The following SORCS2 variants were observed in gnomAD, a reference collection of about 807,000 sequenced individuals.
The protein encoded by SORCS2 is sortilin related VPS10 domain containing receptor 2.
SORCS2 carries 100 observed loss-of-function variants against 141.6 expected under a neutral mutation model. That is an observed-to-expected ratio of 0.71 (90% CI 0.60 to 0.83). The LOEUF (loss-of-function observed/expected upper bound fraction) is 0.83, where lower values mean the gene tolerates loss of function less well. SORCS2 is among the 40% of genes least tolerant of loss of function. The pLI is 0.00. For missense variants in SORCS2, 1,646 were observed against 1,560.2 expected, an observed-to-expected ratio of 1.05 and a Z score of -0.93; for synonymous variants, 789 against 676.9, an observed-to-expected ratio of 1.17 and a Z score of -2.57.
chr4:7,361,243 G>A (rs1449377784), intron 1 of SORCS2, among the ~76,000 whole-genome samples: 1 of 152,216 alleles, frequency 6.6e-6, no homozygotes, highest in African/African-American at 2.4e-5. Context: ...TGATGATTGT[G>A]TATGAGACTC....
intron 1 of SORCS2, among the ~76,000 whole-genome samples, chr4:7,363,238 CCATCACCAT>C (rs913767190): frequency 1.4e-5 from 2 of 146,652 alleles, no homozygotes; most frequent in African/African-American, 2.7e-5. Context: ...ATCATCACCA[CCATCACCAT>C]CATCACCATC....
intron 3 of SORCS2, among the ~76,000 whole-genome samples, chr4:7,597,101 CTG>C (rs1717319730): frequency 6.6e-6 from 1 of 150,964 alleles, no homozygotes; most frequent in Non-Finnish European, 1.5e-5. Flanking sequence ...CTTGAAAAGA[CTG>C]TTGAAATAAG....
At chr4:7,255,860 TGGAGCGTGGGGCCCC>T (rs1713825989) in intron 1 of SORCS2, among the ~76,000 whole-genome samples, 1 of 9,240 alleles carries the variant, frequency 1.1e-4, no homozygotes, top group African/African-American at 4.8e-4. Context: ...GACCCGGGGC[TGGAGCGTGGGGCCCC>T]GGGGCTGGAG....
intron 1 of SORCS2, among the ~76,000 whole-genome samples, chr4:7,217,283 G>A (rs995981174): frequency 6.6e-6 from 1 of 152,210 alleles, no homozygotes; most frequent in Non-Finnish European, 1.5e-5. Flanking sequence ...CGAGGACCCC[G>A]CAGCTTGCTG....
rs1720747185 is a variant in SORCS2 at position 7,641,806 on chromosome 4, A to ATGTGTGGG, written c.813+3316_813+3317insTGTGGGTG. On this transcript the variant is annotated intron_variant, in intron 4 of 26. Coordinates refer to ENST00000507866, the MANE Select transcript of SORCS2 (RefSeq NM_020777.3). ...GATGGATGGATGGATGGATGGATGG[A>ATGTGTGGG]TGGATGGATGGGTGGGTGGATGGAT... Among the ~76,000 whole-genome samples, 23 of 95,458 alleles carry ATGTGTGGG rather than the reference A, an allele frequency of 2.4e-4. No individual in the cohort carries two copies. The South Asian group carries it at 6.6e-3, about 27-fold the overall frequency. The allele number at this position is 95,458 out of a possible 152,430, so 62.6% of individuals were successfully genotyped here. A position where few individuals can be genotyped will look rare whatever the true frequency, so the allele number is the denominator to read the frequency against.
intron 3 of SORCS2, among the ~76,000 whole-genome samples, chr4:7,550,067 G>A (rs1261355007): frequency 6.7e-6 from 1 of 149,312 alleles, no homozygotes; most frequent in Non-Finnish European, 1.5e-5. Context: ...GGAAATAGCA[G>A]CTCCTCTTCA....
At chr4:7,541,767 C>T (rs1005318212) in intron 3 of SORCS2, among the ~76,000 whole-genome samples, 10 of 152,178 alleles carry the variant, frequency 6.6e-5, no homozygotes, top group African/African-American at 2.4e-4. Context: ...CACACGGAGC[C>T]CTAGTTTCAG....
At chr4:7,707,405 T>C (rs1247265012) in intron 14 of SORCS2, among the ~76,000 whole-genome samples, 3 of 152,118 alleles carry the variant, frequency 2.0e-5, no homozygotes, top group South Asian at 2.1e-4. Flanking sequence ...TGAGCCAGGG[T>C]GGGAAACCAG....
At chr4:7,708,345 T>G (rs1187689195) in intron 14 of SORCS2, among the ~76,000 whole-genome samples, 2 of 152,138 alleles carry the variant, frequency 1.3e-5, no homozygotes, top group East Asian at 3.9e-4. Context: ...ATTGAGGGGA[T>G]GCTTGGGACA....
At chr4:7,239,588 G>A (rs1169374355) in intron 1 of SORCS2, among the ~76,000 whole-genome samples, 2 of 152,202 alleles carry the variant, frequency 1.3e-5, no homozygotes, top group African/African-American at 4.8e-5. Context: ...CCTTAGGGAG[G>A]GCTGGTTTGT....
intron 3 of SORCS2, among the ~76,000 whole-genome samples, chr4:7,613,862 A>G (rs1718579171): frequency 6.6e-6 from 1 of 151,698 alleles, no homozygotes; most frequent in South Asian, 2.1e-4. Context: ...ATCTACCCAT[A>G]TACCCATTCA....
At chr4:7,225,554 G>A (rs1728941573) in intron 1 of SORCS2, among the ~76,000 whole-genome samples, 2 of 152,194 alleles carry the variant, frequency 1.3e-5, no homozygotes, top group Admixed American at 6.5e-5. Flanking sequence ...CTGGGAAGGG[G>A]CTGGGACCGG....
At chr4:7,462,183 G>A (rs1022324698) in intron 2 of SORCS2, among the ~76,000 whole-genome samples, 14 of 152,234 alleles carry the variant, frequency 9.2e-5, no homozygotes, top group African/African-American at 2.2e-4. Context: ...ATTTGTTAAG[G>A]CTGTGCTGGG....
chr4:7,521,382 ACCCACCTCG>A (rs1321533975), intron 2 of SORCS2, among the ~76,000 whole-genome samples: 1 of 151,550 alleles, frequency 6.6e-6, no homozygotes, highest in Non-Finnish European at 1.5e-5. Flanking sequence ...CCCTCTGTTC[ACCCACCTCG>A]CTGGCGCCTG....
chr4:7,333,861 T>A (rs1306095305), intron 1 of SORCS2, among the ~76,000 whole-genome samples: 4 of 152,216 alleles, frequency 2.6e-5, no homozygotes, highest in African/African-American at 9.7e-5. Flanking sequence ...GCCGCATTTC[T>A]CCAGCTGGAA....
intron 1 of SORCS2, among the ~76,000 whole-genome samples, chr4:7,261,882 G>A (rs980267900): frequency 7.2e-5 from 11 of 152,334 alleles, no homozygotes; most frequent in Admixed American, 1.3e-4. Flanking sequence ...CCAGATGACC[G>A]AGGATCCTTT....
intron 1 of SORCS2, among the ~76,000 whole-genome samples, chr4:7,335,342 TG>T (rs1308147637): frequency 6.6e-6 from 1 of 152,216 alleles, no homozygotes; most frequent in Non-Finnish European, 1.5e-5. Flanking sequence ...GGGCCCTCCC[TG>T]GGGAGTGAAG....
chr4:7,713,539 G>A (rs1725969737), intron 15 of SORCS2, among the ~76,000 whole-genome samples: 1 of 152,106 alleles, frequency 6.6e-6, no homozygotes, highest in Non-Finnish European at 1.5e-5. Context: ...ATTCAGCATG[G>A]GCAAATGGGA....
chr4:7,719,109 T>C (rs546444053), intron 18 of SORCS2, among the ~76,000 whole-genome samples: 29 of 152,358 alleles, frequency 1.9e-4, no homozygotes, highest in African/African-American at 6.7e-4. Flanking sequence ...CCTGGACACT[T>C]GGCTCTCCGG....
Sources: gnomAD v4.1 joint callset for allele counts (sites outside exome capture counted in the v4.1 genomes callset) on GRCh38, gnomAD v4.1.1 for gene constraint, MANE v1.5 for transcripts, NCBI Gene and HGNC (gene_info 2026-07-23, HGNC 2026-07-21) for gene names.